Variants in GFRA1 observed in about 807,000 individuals in gnomAD.
GFRA1 encodes GDNF family receptor alpha 1.
GFRA1 carries 16 observed loss-of-function variants against 51.6 expected under a neutral mutation model. The observed-to-expected ratio is 0.31, with a 90% confidence interval of 0.21 to 0.47. GFRA1 has a LOEUF of 0.47. GFRA1 is among the 20% of genes least tolerant of loss of function. The pLI is 1.00. For synonymous variants in GFRA1, 270 were observed against 241.3 expected (o/e 1.12, Z -1.10); for missense variants, 530 against 594.3 (o/e 0.89, Z 1.13).
chr10:116,150,777 C>T (rs1165971909), intron 5 of GFRA1, among the ~76,000 whole-genome samples: 1 of 152,174 alleles, frequency 6.6e-6, no homozygotes, highest in Non-Finnish European at 1.5e-5. Flanking sequence ...CATCCCTACA[C>T]GTGATGTTAA....
intron 4 of GFRA1, among the ~76,000 whole-genome samples, chr10:116,256,266 T>C (rs185203138): frequency 5.4e-4 from 82 of 152,282 alleles, no homozygotes; most frequent in African/African-American, 2.0e-3. Context: ...TTTTTGCTCC[T>C]TGCCACCGTG....
Position 116,064,442 on chromosome 10 carries a change from C to T in GFRA1, c.1354G>A (p.Val452Ile), listed in dbSNP as rs1318970981. 8.1e-6 allele frequency: 13 copies of T among 1,613,048 alleles called. No individual in the cohort carries two copies. Among genetic ancestry groups the T allele is most frequent in the Non-Finnish European group, 1.1e-5 (13 of 1,179,744 alleles). Reference protein sequence around the residue: ...CGLSPLLVLVVTALSTLLSLT... With the variant: ...CGLSPLLVLVITALSTLLSLT... The stretch of plus-strand genomic sequence containing the variant: ...GATAATAGGGTGGACAGAGCGGTTA[C>T]CACCAGGACCAGCAGTGGGCTCAGA... The change falls in exon 11 of 11, where the codon GTA becomes ATA. Residue 452 changes from valine to isoleucine, a missense_variant. Coordinates refer to ENST00000355422, the MANE Select transcript of GFRA1 (RefSeq NM_005264.8).
At chr10:116,121,881 C>T (rs1181973451) in intron 6 of GFRA1, among the ~76,000 whole-genome samples, 4 of 152,074 alleles carry the variant, frequency 2.6e-5, no homozygotes, top group African/African-American at 9.7e-5. Flanking sequence ...ACAACGGCCT[C>T]ACAGAGATGG....
intron 4 of GFRA1, among the ~76,000 whole-genome samples, chr10:116,256,339 G>A (rs1433427976): frequency 6.6e-6 from 1 of 152,042 alleles, no homozygotes; most frequent in South Asian, 2.1e-4. Context: ...CCTCCCCGTT[G>A]CCAGCCCTAT....
chr10:116,086,294 C>A (rs1392099928), intron 9 of GFRA1, among the ~76,000 whole-genome samples: 2 of 152,206 alleles, frequency 1.3e-5, no homozygotes, highest in African/African-American at 2.4e-5. Context: ...CATAGCACCA[C>A]CTTCCATCTG....
intron 5 of GFRA1, 113 bp from the exon 6 acceptor site, chr10:116,125,670 C>T: frequency 1.2e-6 from 1 of 830,238 alleles, no homozygotes; most frequent in African/African-American, 1.7e-5. Flanking sequence ...GGCTCTAGAA[C>T]TTAATGAGTT....
intron 5 of GFRA1, among the ~76,000 whole-genome samples, chr10:116,204,685 G>A (rs1264806293): frequency 6.6e-6 from 1 of 152,142 alleles, no homozygotes; most frequent in Non-Finnish European, 1.5e-5. Context: ...GGAACAATTT[G>A]AGCAACAAAA....
At chr10:116,166,606 A>C (rs1172402913) in intron 5 of GFRA1, among the ~76,000 whole-genome samples, 1 of 151,718 alleles carries the variant, frequency 6.6e-6, no homozygotes, top group Non-Finnish European at 1.5e-5. Flanking sequence ...CCTCGGTCTT[A>C]CTGTGAATGC....
chr10:116,090,953 G>T (rs1408755727), intron 8 of GFRA1, among the ~76,000 whole-genome samples: 1 of 152,152 alleles, frequency 6.6e-6, no homozygotes, highest in Non-Finnish European at 1.5e-5. Flanking sequence ...CATTTTTGGG[G>T]GCTGTAAGAA....
chr10:116,196,317 A>ATC (rs1963743053), intron 5 of GFRA1, among the ~76,000 whole-genome samples: 1 of 150,808 alleles, frequency 6.6e-6, no homozygotes, highest in South Asian at 2.1e-4. Context: ...GTGAAACCTC[A>ATC]TCTCTACTAA....
Position 116,082,000 on chromosome 10 carries a change from C to CA in GFRA1, c.1197+7740dup, listed in dbSNP as rs1437402069. Among the ~76,000 whole-genome samples, 48 of 152,292 alleles carry CA rather than the reference C, an allele frequency of 3.2e-4. 1 individual carries two copies. The highest frequency in any genetic ancestry group is 1.2e-3 in the African/African-American group (48 of 41,556). On this transcript the variant is annotated intron_variant, in intron 9 of 10. Coordinates refer to ENST00000355422, the MANE Select transcript of GFRA1 (RefSeq NM_005264.8). ...ACAAAGATGAAGCAAATAATAGGAT[C>CA]AGTGGAGTGCAGATATGGCAAAGAC...
intron 4 of GFRA1, among the ~76,000 whole-genome samples, chr10:116,238,764 C>T (rs551677656): frequency 6.6e-5 from 10 of 152,240 alleles, no homozygotes; most frequent in South Asian, 2.1e-4. Context: ...TCTCTTCTTC[C>T]GTGTTTAACT....
intron 8 of GFRA1, among the ~76,000 whole-genome samples, chr10:116,093,322 T>C (rs990863900): frequency 6.6e-6 from 1 of 152,216 alleles, no homozygotes; most frequent in African/African-American, 2.4e-5. Context: ...TTCAAGAACC[T>C]TTGGAACAGA....
intron 5 of GFRA1, among the ~76,000 whole-genome samples, chr10:116,127,249 T>C (rs73367276): frequency 0.016 from 2,473 of 152,288 alleles, 77 homozygotes; most frequent in African/African-American, 0.057. Context: ...AGAGGGTAGA[T>C]TGCATGCAAA....
In GFRA1 at chr10:116,096,674, G is replaced by C. The variant is rs147311612; in HGVS notation, c.861C>G (p.Leu287=). The change falls in exon 7 of 11, where the codon CTC becomes CTG. Residue 287 remains leucine, a synonymous_variant. Coordinates refer to ENST00000355422, the MANE Select transcript of GFRA1 (RefSeq NM_005264.8). Reference sequence around the variant, plus strand: ...TCTTACCAATAAGCCCCGAGTAGGCGAGGAGGCAGTCAGCGTAGTTTTCCT... The same window carrying C: ...TCTTACCAATAAGCCCCGAGTAGGCCAGGAGGCAGTCAGCGTAGTTTTCCT... ...CLKENYADCL[L]AYSGLIGTVM... The C allele has an allele frequency of 6.3e-7, 1 of 1,598,658 alleles. No homozygotes were observed. The highest frequency in any genetic ancestry group is 2.2e-5 in the East Asian group (1 of 44,792).
chr10:116,273,676 TC>T (rs1844115719), upstream of GFRA1, among the ~76,000 whole-genome samples: 1 of 118,984 alleles, frequency 8.4e-6, no homozygotes, highest in Non-Finnish European at 1.7e-5. Context: ...TCTCTGTCTC[TC>T]TCTCTCTCTC....
chr10:116,118,422 G>A (rs1242760464), intron 6 of GFRA1, among the ~76,000 whole-genome samples: 3 of 152,038 alleles, frequency 2.0e-5, no homozygotes, highest in Admixed American at 2.0e-4. Flanking sequence ...CCTTTCTATG[G>A]CACCGAGTTT....
chr10:116,148,056 A>AGG (rs1555158854), intron 5 of GFRA1, among the ~76,000 whole-genome samples: 1 of 136,424 alleles, frequency 7.3e-6, no homozygotes, highest in Non-Finnish European at 1.5e-5. Context: ...GTGTGCATGC[A>AGG]TGTGTGCATG....
chr10:116,141,523 T>G (rs1437904872), intron 5 of GFRA1, among the ~76,000 whole-genome samples: 1 of 149,840 alleles, frequency 6.7e-6, no homozygotes, highest in Non-Finnish European at 1.5e-5. Context: ...ACCGAGGGGG[T>G]TGGGGGAGAG....
Sources: gnomAD v4.1 joint callset for allele counts (sites outside exome capture counted in the v4.1 genomes callset) on GRCh38, gnomAD v4.1.1 for gene constraint, MANE v1.5 for transcripts, NCBI Gene and HGNC (gene_info 2026-07-23, HGNC 2026-07-21) for gene names.